The following TPGS2 variants were observed in gnomAD, a reference collection of about 807,000 sequenced individuals.
The protein encoded by TPGS2 is tubulin polyglutamylase complex subunit 2, also known as polyglutamylase subunit 2.
In TPGS2, 26 loss-of-function variants were observed where a neutral mutation model predicts 31.1. That is an observed-to-expected ratio of 0.84 (90% CI 0.61 to 1.16). The LOEUF is 1.16. Among genes scored for constraint, TPGS2 ranks in the 50% most tolerant of loss-of-function variants. TPGS2 has a pLI of 0.00. For synonymous variants in TPGS2, 130 were observed against 136.6 expected (o/e 0.95, Z 0.34); for missense variants, 351 against 363.8 (o/e 0.96, Z 0.29).
At chr18:36,803,967 A>G (rs1311368721) in intron 4 of TPGS2, among the ~76,000 whole-genome samples, 1 of 151,854 alleles carries the variant, frequency 6.6e-6, no homozygotes, top group Non-Finnish European at 1.5e-5. Context: ...AGGTGTGATC[A>G]CAGCATGCTA....
chr18:36,822,287 G>T (rs1568032092), intron 1 of TPGS2, among the ~76,000 whole-genome samples: 1 of 152,216 alleles, frequency 6.6e-6, no homozygotes, highest in Non-Finnish European at 1.5e-5. Flanking sequence ...TATTCTATGT[G>T]ACCACTGACA....
intron 1 of TPGS2, among the ~76,000 whole-genome samples, chr18:36,827,685 G>C (rs1339103956): frequency 6.6e-6 from 1 of 152,150 alleles, no homozygotes; most frequent in African/African-American, 2.4e-5. Context: ...CTCCTCCTTA[G>C]TTTTCTGGCT....
chr18:36,814,565 A>G (rs932067349), intron 2 of TPGS2, among the ~76,000 whole-genome samples: 1 of 152,170 alleles, frequency 6.6e-6, no homozygotes, highest in African/African-American at 2.4e-5. Context: ...ACTGATTTCA[A>G]ATTACTTATT....
chr18:36,783,611 A>C (rs1182083221), intron 6 of TPGS2, among the ~76,000 whole-genome samples: 1 of 152,214 alleles, frequency 6.6e-6, no homozygotes, highest in Non-Finnish European at 1.5e-5. Context: ...TTGTTAACAC[A>C]GTGCAGGGGG....
chr18:36,819,075 C>T, intron 1 of TPGS2, 102 bp from the exon 2 acceptor site: 1 of 925,908 alleles, frequency 1.1e-6, no homozygotes, highest in East Asian at 2.4e-5. Flanking sequence ...TAAGAACATC[C>T]AATCCTTCTC....
At chr18:36,810,937 AC>A (rs535047484) in intron 2 of TPGS2, among the ~76,000 whole-genome samples, 18 of 152,082 alleles carry the variant, frequency 1.2e-4, no homozygotes, top group Non-Finnish European at 1.9e-4. Flanking sequence ...ACAATCCTGC[AC>A]CCCATTATTC....
At chr18:36,816,254 T>C (rs1413889722) in intron 2 of TPGS2, among the ~76,000 whole-genome samples, 1 of 152,120 alleles carries the variant, frequency 6.6e-6, no homozygotes, top group Non-Finnish European at 1.5e-5. Context: ...TAAGTGTCAG[T>C]CTAAGCTAAA....
At position 36,795,365 on chromosome 18, in the gene TPGS2, G is replaced by T. The variant is rs1419639123; in HGVS notation, c.*1440C>A. 1 of 985,408 alleles carries T rather than the reference G, an allele frequency of 1.0e-6. No homozygotes were observed. The highest frequency in any genetic ancestry group is 1.2e-6 in the Non-Finnish European group (1 of 830,030). 61.0% of individuals were successfully genotyped at this position (985,408 alleles called of 1,614,324 possible). On this transcript the variant is annotated 3_prime_UTR_variant, in exon 7 of 7. Coordinates refer to ENST00000334295, the MANE Select transcript of TPGS2 (RefSeq NM_015476.4). Reference sequence around the variant, plus strand: ...AGAAGTCAGGAAAGAGAATGAGCCAGCTGGGACTGAAGTGTGCAGATGGTA... The same window carrying T: ...AGAAGTCAGGAAAGAGAATGAGCCATCTGGGACTGAAGTGTGCAGATGGTA...
chr18:36,817,098 T>C (rs1024428407), intron 2 of TPGS2, among the ~76,000 whole-genome samples: 11 of 152,208 alleles, frequency 7.2e-5, no homozygotes, highest in Non-Finnish European at 1.2e-4. Context: ...TCATAGCCAC[T>C]GTTCTGGAAT....
At chr18:36,792,649 G>A (rs2044355166), downstream of TPGS2, among the ~76,000 whole-genome samples, 1 of 152,066 alleles carries the variant, frequency 6.6e-6, no homozygotes, top group Admixed American at 6.5e-5. Context: ...ACCTTTCCTG[G>A]CAATTTTGAT....
chr18:36,827,311 A>G (rs565261568), intron 1 of TPGS2, among the ~76,000 whole-genome samples: 1 of 152,378 alleles, frequency 6.6e-6, no homozygotes, highest in South Asian at 2.1e-4. Flanking sequence ...AATAAAAGAA[A>G]AAGCAGGGTA....
At chr18:36,811,925 T>G (rs1416180098) in intron 2 of TPGS2, among the ~76,000 whole-genome samples, 1 of 152,206 alleles carries the variant, frequency 6.6e-6, no homozygotes, top group Non-Finnish European at 1.5e-5. Flanking sequence ...ACCTTCATTT[T>G]GTCTGAGATG....
At chr18:36,806,121 C>A (rs758058089) in intron 3 of TPGS2, 1 of 152,162 alleles carries the variant, frequency 6.6e-6, no homozygotes, top group South Asian at 2.1e-4. Flanking sequence ...AGCAATAAAA[C>A]AACCTGTGTA....
chr18:36,817,433 CT>C (rs111810411), intron 2 of TPGS2, among the ~76,000 whole-genome samples: 20,020 of 140,888 alleles, frequency 0.14, 1,423 homozygotes, highest in Admixed American at 0.19. Context: ...TTCTTTCTTT[CT>C]TTTTTTTTTT....
intron 2 of TPGS2, among the ~76,000 whole-genome samples, chr18:36,808,923 A>T (rs1005257188): frequency 1.7e-4 from 26 of 151,964 alleles, no homozygotes; most frequent in Non-Finnish European, 3.7e-4. Flanking sequence ...GAGTTCTCCA[A>T]TTCATTTCCT....
chr18:36,790,739 A>G (rs1237702240), downstream of TPGS2, among the ~76,000 whole-genome samples: 2 of 152,204 alleles, frequency 1.3e-5, no homozygotes, highest in African/African-American at 4.8e-5. Flanking sequence ...TAAACATTTA[A>G]ATTAACAGCA....
Position 36,794,161 on chromosome 18 carries a change from A to G in TPGS2, c.*2644T>C, listed in dbSNP as rs1278265645. ...AACAGCATTAAGTAGCAAATAAAAA[A>G]CACAGCCATAACAAGTTGAGAAAGA... On this transcript the variant is annotated 3_prime_UTR_variant, in exon 7 of 7. Transcript: ENST00000334295. The G allele has an allele frequency of 1.2e-5, 7 of 582,506 alleles. No individual in the cohort carries two copies. In the East Asian group the frequency reaches 8.7e-4, roughly 72 times the overall value. 36.1% of individuals were successfully genotyped at this position (582,506 alleles called of 1,614,324 possible). A position where few individuals can be genotyped will look rare whatever the true frequency, so the allele number is the denominator to read the frequency against.
In TPGS2 at chr18:36,827,958, G is replaced by A. The variant is rs376596882; in HGVS notation, c.85+725C>T. On this transcript the variant is annotated intron_variant, in intron 1 of 6. Transcript: ENST00000334295. Reference sequence around the variant, plus strand: ...GCGGTGGCTCACGCCTGTAATTCCAGCACTTTGGGAGGTCGAGGCGGGTGG... The same window carrying A: ...GCGGTGGCTCACGCCTGTAATTCCAACACTTTGGGAGGTCGAGGCGGGTGG... Among the ~76,000 whole-genome samples the A allele has an allele frequency of 5.3e-5, 8 of 152,242 alleles. No homozygotes were observed. The South Asian group carries it at 1.7e-3, about 32-fold the overall frequency.
At chr18:36,786,660 G>T (rs927675154) in intron 6 of TPGS2, 1 of 434,010 alleles carries the variant, frequency 2.3e-6, no homozygotes, top group Non-Finnish European at 3.9e-6. Context: ...TATCAATGCT[G>T]ATCAGTTGTT....
Sources: gnomAD v4.1 joint callset for allele counts (sites outside exome capture counted in the v4.1 genomes callset) on GRCh38, gnomAD v4.1.1 for gene constraint, MANE v1.5 for transcripts, NCBI Gene and HGNC (gene_info 2026-07-23, HGNC 2026-07-21) for gene names.